PDE10A: variants seen among roughly 807,000 people sequenced by gnomAD.
PDE10A encodes phosphodiesterase 10A.
Under a neutral mutation model 97.7 loss-of-function variants are expected in PDE10A, and 39 were observed. The observed-to-expected ratio is 0.40, with a 90% CI of 0.31 to 0.52. The LOEUF (loss-of-function observed/expected upper bound fraction) is 0.52, where lower values mean the gene tolerates loss of function less well. PDE10A is among the 20% of genes least tolerant of loss of function. The pLI is 0.56. For missense variants in PDE10A, 731 were observed against 1,047.8 expected (o/e 0.70, Z 4.17); for synonymous variants, 371 against 376.8 (o/e 0.98, Z 0.18).
intron 1 of PDE10A, among the ~76,000 whole-genome samples, chr6:165,895,437 T>C (rs938049248): frequency 6.6e-6 from 1 of 152,152 alleles, no homozygotes; most frequent in African/African-American, 2.4e-5. Context: ...GGATCCTCCG[T>C]GGTGGCTTTG....
rs766666865 is a variant in PDE10A at position 165,331,549 on chromosome 6, C to A, written c.*1476G>T. The A allele has an allele frequency of 1.3e-5, 2 of 152,122 alleles. No individual in the cohort carries two copies. Among genetic ancestry groups the A allele is most frequent in the Non-Finnish European group, 2.9e-5 (2 of 68,018 alleles). The allele number at this position is 152,122 out of a possible 1,614,324, so 9.4% of individuals were successfully genotyped here. On this transcript the variant is annotated 3_prime_UTR_variant, in exon 22 of 22. Coordinates refer to ENST00000539869, the MANE Select transcript of PDE10A (RefSeq NM_001385079.1). Reference sequence around the variant, plus strand: ...TTTCCATTTTATTAAAAGCGATATTCCAGTTTCCTGCCACATGAAAAGTGA... The same window carrying A: ...TTTCCATTTTATTAAAAGCGATATTACAGTTTCCTGCCACATGAAAAGTGA...
intron 1 of PDE10A, among the ~76,000 whole-genome samples, chr6:165,596,972 G>C (rs1047379646): frequency 6.6e-6 from 1 of 151,874 alleles, no homozygotes; most frequent in Non-Finnish European, 1.5e-5. Context: ...CTGTCTGCCT[G>C]CTCTAAATTT....
chr6:165,644,078 CAG>C (rs569880063), intron 1 of PDE10A, among the ~76,000 whole-genome samples: 29 of 152,216 alleles, frequency 1.9e-4, no homozygotes, highest in Non-Finnish European at 3.8e-4. Flanking sequence ...TTTTTTGAGA[CAG>C]AGTCTCCCTC....
intron 1 of PDE10A, among the ~76,000 whole-genome samples, chr6:165,855,317 G>A (rs1178698191): frequency 4.0e-5 from 6 of 150,428 alleles, no homozygotes; most frequent in African/African-American, 1.5e-4. Context: ...GGGGGGGGGG[G>A]GGACTCAGGG....
chr6:165,633,319 C>T (rs1681196995), intron 1 of PDE10A, among the ~76,000 whole-genome samples: 1 of 152,114 alleles, frequency 6.6e-6, no homozygotes. Context: ...TTGGCACACC[C>T]ATTCAGTTCA....
chr6:165,398,767 GA>G (rs1031122634), intron 13 of PDE10A, among the ~76,000 whole-genome samples: 2 of 151,604 alleles, frequency 1.3e-5, no homozygotes, highest in Admixed American at 6.6e-5. Context: ...AAGGTAGAGA[GA>G]AAAAAAGGGG....
chr6:165,542,897 C>A (rs1783536087), intron 2 of PDE10A, among the ~76,000 whole-genome samples: 2 of 152,058 alleles, frequency 1.3e-5, no homozygotes, highest in South Asian at 4.1e-4. Context: ...GGATTACAGG[C>A]GTGAGCCACT....
chr6:165,373,543 A>C (rs2128203787), intron 18 of PDE10A, among the ~76,000 whole-genome samples: 1 of 152,316 alleles, frequency 6.6e-6, no homozygotes, highest in Admixed American at 6.5e-5. Context: ...ACCATCTCAC[A>C]CCAGTTAGAA....
intron 1 of PDE10A, among the ~76,000 whole-genome samples, chr6:165,734,369 G>A (rs921464224): frequency 6.6e-6 from 1 of 152,116 alleles, no homozygotes; most frequent in African/African-American, 2.4e-5. Context: ...AAAATGATGA[G>A]CCAGAAGGGG....
intron 1 of PDE10A, among the ~76,000 whole-genome samples, chr6:165,550,298 T>C (rs1459488992): frequency 6.6e-6 from 1 of 152,204 alleles, no homozygotes; most frequent in African/African-American, 2.4e-5. Context: ...TTCTAAGGTA[T>C]ACGTAACCAA....
Position 165,332,942 on chromosome 6 carries a change from AC to A in PDE10A, c.*82del, listed in dbSNP as rs796169595. On this transcript the variant is annotated 3_prime_UTR_variant, in exon 22 of 22. Transcript: ENST00000539869. ...CAGTTACCAGGTGCAGGTTCCCCCC[AC>A]CCCCCCCAAAAAAAGGAAAAGAATG... The A allele has an allele frequency of 3.8e-4, 148 of 386,290 alleles. No homozygotes were observed. The highest frequency in any genetic ancestry group is 7.3e-4 in the Admixed American group (26 of 35,568). The allele number at this position is 386,290 out of a possible 1,614,324, so 23.9% of individuals were successfully genotyped here.
intron 1 of PDE10A, among the ~76,000 whole-genome samples, chr6:165,897,814 A>G (rs1031970945): frequency 6.6e-6 from 1 of 151,968 alleles, no homozygotes; most frequent in Non-Finnish European, 1.5e-5. Context: ...ACATCCCCAG[A>G]AGCCTCACAG....
intron 3 of PDE10A, among the ~76,000 whole-genome samples, chr6:165,457,697 T>C (rs1445091962): frequency 6.6e-6 from 1 of 152,200 alleles, no homozygotes; most frequent in East Asian, 1.9e-4. Context: ...GAACACAGTT[T>C]GGGAACCAGG....
At chr6:165,699,838 A>T (rs1791525732) in intron 1 of PDE10A, among the ~76,000 whole-genome samples, 1 of 152,202 alleles carries the variant, frequency 6.6e-6, no homozygotes, top group Admixed American at 6.5e-5. Context: ...AACAGTGCTT[A>T]AAGGGAAATT....
chr6:165,669,962 T>C (rs909677748), intron 1 of PDE10A, among the ~76,000 whole-genome samples: 1 of 152,242 alleles, frequency 6.6e-6, no homozygotes, highest in Non-Finnish European at 1.5e-5. Context: ...CATGTCATAC[T>C]GGTCATTTTG....
intron 1 of PDE10A, among the ~76,000 whole-genome samples, chr6:165,726,417 C>G (rs1460362701): frequency 6.6e-6 from 1 of 152,134 alleles, no homozygotes; most frequent in Non-Finnish European, 1.5e-5. Flanking sequence ...TAAAATTTTA[C>G]GTTAATAAGC....
intron 1 of PDE10A, among the ~76,000 whole-genome samples, chr6:165,846,318 C>A (rs1042939461): frequency 6.6e-6 from 1 of 152,218 alleles, no homozygotes; most frequent in Non-Finnish European, 1.5e-5. Flanking sequence ...TATCATTCCA[C>A]CCCCTCCATC....
intron 1 of PDE10A, among the ~76,000 whole-genome samples, chr6:165,824,348 A>C (rs1409013268): frequency 6.6e-6 from 1 of 152,260 alleles, no homozygotes; most frequent in African/African-American, 2.4e-5. Flanking sequence ...CAAATATCAG[A>C]TAGCATGTCG....
At chr6:165,706,929 A>G (rs1791724648) in intron 1 of PDE10A, among the ~76,000 whole-genome samples, 1 of 152,234 alleles carries the variant, frequency 6.6e-6, no homozygotes, top group Non-Finnish European at 1.5e-5. Flanking sequence ...ACAGTCTTGT[A>G]TTATGAAAGA....
Sources: gnomAD v4.1 joint callset for allele counts (sites outside exome capture counted in the v4.1 genomes callset) on GRCh38, gnomAD v4.1.1 for gene constraint, MANE v1.5 for transcripts, NCBI Gene and HGNC (gene_info 2026-07-23, HGNC 2026-07-21) for gene names.